The following WWC2 variants were observed in gnomAD, a reference collection of about 807,000 sequenced individuals.
WWC2 encodes the protein protein WWC2.
In WWC2, 101 loss-of-function variants were observed where a neutral mutation model predicts 138.5. The ratio of observed to expected loss-of-function variants is 0.73; its 90% CI spans 0.62 to 0.86. The LOEUF (loss-of-function observed/expected upper bound fraction) is 0.86. WWC2 is among the 40% of genes least tolerant of loss of function. The pLI, the probability that WWC2 is intolerant of heterozygous loss-of-function variation, is 0.00. For missense variants in WWC2, 1,420 were observed against 1,419.4 expected (o/e 1.00, Z -0.01); for synonymous variants, 558 against 538.4 (o/e 1.04, Z -0.50).
At chr4:183,249,291 T>A (rs1259688331) in intron 7 of WWC2, among the ~76,000 whole-genome samples, 1 of 152,234 alleles carries the variant, frequency 6.6e-6, no homozygotes, top group East Asian at 1.9e-4. Context: ...ATGTTTAATT[T>A]GTGATTTATA....
chr4:183,171,802 A>G (rs4298177), intron 1 of WWC2, among the ~76,000 whole-genome samples: 144,820 of 152,208 alleles, frequency 0.95, 69,320 homozygotes, highest in Non-Finnish European at 1. Context: ...TTATCTATCT[A>G]TCTTGACTTC....
intron 7 of WWC2, 44 bp downstream of exon 7, chr4:183,248,904 T>C (rs771744998): frequency 2.0e-6 from 3 of 1,478,878 alleles, no homozygotes; most frequent in East Asian, 4.8e-5. Context: ...TTGTCCTTGA[T>C]GGGCCTTAAT....
At chr4:183,185,838 A>G (rs1443311554) in intron 1 of WWC2, among the ~76,000 whole-genome samples, 1 of 152,014 alleles carries the variant, frequency 6.6e-6, no homozygotes, top group Non-Finnish European at 1.5e-5. Flanking sequence ...AGTTTTATGT[A>G]TGTACATTTA....
In WWC2 at chr4:183,253,688, C is replaced by T. The variant is rs1737046346; in HGVS notation, c.954-69C>T. The stretch of plus-strand genomic sequence containing the variant: ...GACAGCATGTCAACACCAAATTTGG[C>T]TTAGGCTGTGTTTACCTTTCTCAGG... On this transcript the variant is annotated intron_variant, in intron 8 of 22. Transcript: ENST00000403733. 2.6e-6 allele frequency: 4 copies of T among 1,553,048 alleles called. No individual in the cohort carries two copies. In the Admixed American group the frequency reaches 8.0e-5, roughly 31 times the overall value.
intron 1 of WWC2, among the ~76,000 whole-genome samples, chr4:183,125,229 C>G (rs1411679765): frequency 6.6e-6 from 1 of 152,136 alleles, no homozygotes; most frequent in Non-Finnish European, 1.5e-5. Context: ...GTTCAATTTG[C>G]AAGTGACTCA....
chr4:183,179,626 A>G (rs1734565709), intron 1 of WWC2, among the ~76,000 whole-genome samples: 1 of 152,108 alleles, frequency 6.6e-6, no homozygotes, highest in Admixed American at 6.5e-5. Flanking sequence ...ATCTGGGTTG[A>G]TGATGGTGCC....
intron 1 of WWC2, among the ~76,000 whole-genome samples, chr4:183,192,528 T>C (rs1735019018): frequency 6.6e-6 from 1 of 152,226 alleles, no homozygotes; most frequent in Non-Finnish European, 1.5e-5. Context: ...GGAGGACTAT[T>C]GCAGAGCAGG....
rs796214741 is a variant in WWC2, at chr4:183,226,085, CTTTTCT to C, written c.523-14094_523-14089del. On this transcript the variant is annotated intron_variant, in intron 4 of 22. Coordinates refer to ENST00000403733, the MANE Select transcript of WWC2 (RefSeq NM_024949.6). ...AACTCGTCTGTGAAACTTTTCTTTT[CTTTTCT>C]TTTCTTTTTTTTTTTTTTTTTTTGA... Among the ~76,000 whole-genome samples, 800 of 144,326 alleles carry C rather than the reference CTTTTCT, an allele frequency of 5.5e-3. 12 individuals carry two copies. The highest frequency in any genetic ancestry group is 0.019 in the African/African-American group (746 of 38,354). The allele number at this position is 144,326 out of a possible 152,430, so 94.7% of individuals were successfully genotyped here.
At chr4:183,116,227 A>G (rs908605231) in intron 1 of WWC2, among the ~76,000 whole-genome samples, 5 of 152,182 alleles carry the variant, frequency 3.3e-5, no homozygotes, top group East Asian at 1.9e-4. Flanking sequence ...TCACTGGAAC[A>G]TATCTTATAC....
intron 4 of WWC2, chr4:183,233,675 A>G (rs1032050944): frequency 1.3e-5 from 2 of 152,198 alleles, no homozygotes; most frequent in Admixed American, 6.5e-5. Flanking sequence ...TTTATTAGCC[A>G]TCATACACGG....
intron 1 of WWC2, among the ~76,000 whole-genome samples, chr4:183,124,449 T>TATTGATACAAATGACTCTTTCTA (rs1732694469): frequency 6.6e-6 from 1 of 151,954 alleles, no homozygotes; most frequent in African/African-American, 2.4e-5. Context: ...CTCTTGGACT[T>TATTGATACAAATGACTCTTTCTA]ATTGATACAA....
chr4:183,161,662 A>G (rs1367558246), intron 1 of WWC2, among the ~76,000 whole-genome samples: 1 of 152,158 alleles, frequency 6.6e-6, no homozygotes, highest in Non-Finnish European at 1.5e-5. Flanking sequence ...ATGTTTAGCT[A>G]CACAAATACT....
chr4:183,290,126 C>T (rs1360170612), intron 21 of WWC2, among the ~76,000 whole-genome samples: 1 of 152,118 alleles, frequency 6.6e-6, no homozygotes, highest in Non-Finnish European at 1.5e-5. Context: ...TCATTCTTAT[C>T]TTAAAGAAAA....
At chr4:183,111,840 G>T (rs2152887728) in intron 1 of WWC2, among the ~76,000 whole-genome samples, 1 of 151,900 alleles carries the variant, frequency 6.6e-6, no homozygotes, top group East Asian at 1.9e-4. Flanking sequence ...GACTACAGGG[G>T]TGCGGCACAA....
At position 183,196,552 on chromosome 4, in the gene WWC2, A is replaced by G. The variant is rs902893414; in HGVS notation, c.241+2844A>G. On this transcript the variant is annotated intron_variant, in intron 2 of 22. Transcript: ENST00000403733. ...AGACTGCTGGCTGCCACATCTGTCT[A>G]AGTCTTTCCCAGAGTCCAGATGCAT... Among the ~76,000 whole-genome samples, 9 of 152,240 alleles carry G rather than the reference A, an allele frequency of 5.9e-5. No individual in the cohort carries two copies. The Middle Eastern group carries it at 0.01, about 173-fold the overall frequency.
In WWC2 at chr4:183,256,901, C is replaced by G. The variant is rs573820908; in HGVS notation, c.1197-2738C>G. Among the ~76,000 whole-genome samples the G allele has an allele frequency of 4.3e-3, 462 of 108,630 alleles. 29 individuals carry two copies. Among genetic ancestry groups the G allele is most frequent in the African/African-American group, 0.017 (407 of 24,148 alleles). 71.3% of individuals were successfully genotyped at this position (108,630 alleles called of 152,430 possible). A position where few individuals can be genotyped will look rare whatever the true frequency, so the allele number is the denominator to read the frequency against. On this transcript the variant is annotated intron_variant, in intron 9 of 22. Transcript: ENST00000403733. ...ATCCTACAGCCCCCCCCCCCCCCCC[C>G]CCGGCTCTGTTCCTGCCCCCACAGG... is the stretch of plus-strand genomic sequence containing the variant.
At chr4:183,231,111 A>G (rs1239190773) in intron 4 of WWC2, among the ~76,000 whole-genome samples, 1 of 152,118 alleles carries the variant, frequency 6.6e-6, no homozygotes, top group African/African-American at 2.4e-5. Flanking sequence ...AAAACAAAAC[A>G]TTGTAAACTA....
intron 1 of WWC2, among the ~76,000 whole-genome samples, chr4:183,142,105 G>A (rs1040018422): frequency 9.2e-5 from 14 of 152,156 alleles, no homozygotes; most frequent in Non-Finnish European, 1.6e-4. Context: ...ATGGGCATTC[G>A]TCAGGGAAAT....
At chr4:183,266,382 AGTAT>A (rs1400763682) in intron 14 of WWC2, among the ~76,000 whole-genome samples, 1 of 152,200 alleles carries the variant, frequency 6.6e-6, no homozygotes, top group Non-Finnish European at 1.5e-5. Context: ...TACATGTAAG[AGTAT>A]GTTTTTATCA....
Sources: allele counts gnomAD v4.1 joint callset (sites outside exome capture counted in the v4.1 genomes callset), GRCh38; gene constraint gnomAD v4.1.1; transcripts MANE v1.5; gene names NCBI Gene and HGNC (gene_info 2026-07-23, HGNC 2026-07-21).